Variants in ADCK2 observed in about 807,000 individuals in gnomAD.
The protein encoded by ADCK2 is aarF domain containing kinase 2.
A neutral mutation model predicts 52.3 loss-of-function variants in ADCK2; 37 were observed. The observed-to-expected ratio is 0.71, with a 90% confidence interval of 0.54 to 0.93. The LOEUF (loss-of-function observed/expected upper bound fraction) is 0.93. ADCK2 is among the 40% of genes least tolerant of loss of function. The pLI, the probability that ADCK2 is intolerant of heterozygous loss-of-function variation, is 0.00. For synonymous variants in ADCK2, 321 were observed against 349.2 expected, an observed-to-expected ratio of 0.92 and a Z score of 0.90; for missense variants, 695 against 798.7, an observed-to-expected ratio of 0.87 and a Z score of 1.56.
intron 4 of ADCK2, 94 bp from the exon 5 acceptor site, chr7:140,686,896 C>T (rs527730397): frequency 4.5e-5 from 68 of 1,520,288 alleles, no homozygotes; most frequent in Middle Eastern, 1.8e-4. Flanking sequence ...TGATAGAGTG[C>T]TGGGAGCTTA....
intron 7 of ADCK2, among the ~76,000 whole-genome samples, chr7:140,691,662 G>C (rs916441785): frequency 6.6e-5 from 10 of 152,212 alleles, no homozygotes; most frequent in African/African-American, 2.4e-4. Flanking sequence ...TTAAACTAAG[G>C]CTGCTGGCCA....
At chr7:140,686,202 G>A (rs1254756033) in intron 4 of ADCK2, among the ~76,000 whole-genome samples, 1 of 152,174 alleles carries the variant, frequency 6.6e-6, no homozygotes, top group East Asian at 1.9e-4. Flanking sequence ...GAATATTAAT[G>A]ATTCAAATCA....
Position 140,693,211 on chromosome 7 carries a change from T to C in ADCK2, c.1741-1452T>C, listed in dbSNP as rs527476650. 1.1e-4 allele frequency among the ~76,000 whole-genome samples: 16 copies of C among 152,322 alleles called. No individual in the cohort carries two copies. In the South Asian group the frequency reaches 2.9e-3, roughly 28 times the overall value. On this transcript the variant is annotated intron_variant, in intron 7 of 7. Transcript: ENST00000072869. The surrounding 1 kb of genome is among the most constrained non-coding windows in gnomAD (Gnocchi z 4.0). The stretch of plus-strand genomic sequence containing the variant: ...GTAACACAGAGATAAAGGAATCTAA[T>C]CCACACTAAGAACCCCCCACCCAGC...
intron 4 of ADCK2, among the ~76,000 whole-genome samples, chr7:140,684,780 C>A (rs977833499): frequency 9.9e-5 from 15 of 152,180 alleles, no homozygotes; most frequent in African/African-American, 3.6e-4. Flanking sequence ...TTCCACTCCA[C>A]CCCAGGGCCT....
intron 3 of ADCK2, among the ~76,000 whole-genome samples, chr7:140,680,450 G>T (rs1794496960): frequency 6.6e-6 from 1 of 151,610 alleles, no homozygotes; most frequent in African/African-American, 2.4e-5. Flanking sequence ...ACCACACCTG[G>T]GTAATTTTTT....
intron 6 of ADCK2, 110 bp from the exon 7 acceptor site, chr7:140,690,650 C>A: frequency 2.1e-6 from 2 of 935,364 alleles, no homozygotes; most frequent in Non-Finnish European, 3.3e-6. Context: ...TATGTGTGCC[C>A]TGGCGGGGGA....
Position 140,673,472 on chromosome 7 carries a change from C to T in ADCK2, c.142C>T (p.Pro48Ser), listed in dbSNP as rs1305122547. 1.9e-6 allele frequency: 3 copies of T among 1,608,700 alleles called. No individual in the cohort carries two copies. The highest frequency in any genetic ancestry group is 1.7e-5 in the Admixed American group (1 of 59,680). Reference sequence around the variant, plus strand: ...CTGCTGGCTTCTGCTGGGCACTTTGCCCAAGGTCGTCTCCCTGTGCGGGGA... The same window carrying T: ...CTGCTGGCTTCTGCTGGGCACTTTGTCCAAGGTCGTCTCCCTGTGCGGGGA... ...RLCWLLLGTL[P>S]KVVSLCGDVG... Residue 48 changes from proline to serine, a missense_variant, in exon 1 of 8, where the codon CCC becomes TCC. Transcript: ENST00000072869. The surrounding 1 kb of genome is among the most constrained non-coding windows in gnomAD (Gnocchi z 6.4).
At position 140,673,550 on chromosome 7, in the gene ADCK2, G is replaced by T. The variant is rs1268061856; in HGVS notation, c.220G>T (p.Gly74Trp). The T allele has an allele frequency of 1.9e-6, 3 of 1,600,826 alleles. No individual in the cohort carries two copies. Among genetic ancestry groups the T allele is most frequent in the Admixed American group, 3.4e-5 (2 of 59,438 alleles). Residue 74 changes from glycine to tryptophan, a missense_variant, in exon 1 of 8, where the codon GGG becomes TGG. Physicochemically the swap from Gly to Trp is radical, Grantham distance 184 (BLOSUM62 -2). Coordinates refer to ENST00000072869, the MANE Select transcript of ADCK2 (RefSeq NM_052853.4). This position sits in a 1 kb window ranked among gnomAD's most constrained non-coding sequence, Gnocchi z 6.4. Reference protein sequence around the residue: ...VLSRRRVRCSGAAGAGPAESL... With the variant: ...VLSRRRVRCSWAAGAGPAESL... ...GAGTCGGCGAAGGGTCCGCTGCAGCGGGGCGGCTGGCGCGGGGCCCGCGGA... is the reference window on the plus strand; with the variant it reads ...GAGTCGGCGAAGGGTCCGCTGCAGCTGGGCGGCTGGCGCGGGGCCCGCGGA...
At chr7:140,685,665 G>T (rs1050720296) in intron 4 of ADCK2, among the ~76,000 whole-genome samples, 2 of 152,004 alleles carry the variant, frequency 1.3e-5, no homozygotes, top group Admixed American at 1.3e-4. Flanking sequence ...ATGGTCTGCC[G>T]CCATAAGGGA....
chr7:140,674,540 G>A lies in ADCK2; in HGVS notation c.934-71G>A. 1 of 1,526,958 alleles carries A rather than the reference G, an allele frequency of 6.5e-7. No individual in the cohort carries two copies. The highest frequency in any genetic ancestry group is 1.3e-5 in the South Asian group (1 of 79,098). 94.6% of individuals were successfully genotyped at this position (1,526,958 alleles called of 1,614,324 possible). A position where few individuals can be genotyped will look rare whatever the true frequency, so the allele number is the denominator to read the frequency against. On this transcript the variant is annotated intron_variant, in intron 1 of 7. Transcript: ENST00000072869. This position sits in a 1 kb window ranked among gnomAD's most constrained non-coding sequence, Gnocchi z 4.6. ...GCCACCTGGCTCTTGCTTGGATGGT[G>A]GGACCCAGCCCTGGCTGGGTAAAAT... is the stretch of plus-strand genomic sequence containing the variant.
chr7:140,679,434 G>A (rs1047005494), intron 3 of ADCK2, 151 bp downstream of exon 3: 4 of 1,190,208 alleles, frequency 3.4e-6, no homozygotes, highest in Non-Finnish European at 4.7e-6. Context: ...CTCGGCGGGA[G>A]GCAGTGTTGG....
intron 7 of ADCK2, among the ~76,000 whole-genome samples, chr7:140,692,195 C>T (rs1370927389): frequency 6.6e-6 from 1 of 152,180 alleles, no homozygotes; most frequent in African/African-American, 2.4e-5. Context: ...CTCCCCATTC[C>T]CCTCTCCATC....
chr7:140,687,118 G>A lies in ADCK2; in HGVS notation c.1434G>A (p.Val478=). 1 of 1,613,850 alleles carries A rather than the reference G, an allele frequency of 6.2e-7. No homozygotes were observed. The change falls in exon 5 of 8, where the codon GTG becomes GTA. Residue 478 remains valine (V), a synonymous_variant. Coordinates refer to ENST00000072869, the MANE Select transcript of ADCK2 (RefSeq NM_052853.4). ...QQADICDTLV[V]AVPSSLCPLR... Reference sequence around the variant, plus strand: ...CGGACATCTGTGACACTCTGGTGGTGGCCGTGCCATCTTCCCTCTGCCCGC... The same window carrying A: ...CGGACATCTGTGACACTCTGGTGGTAGCCGTGCCATCTTCCCTCTGCCCGC...
intron 5 of ADCK2, among the ~76,000 whole-genome samples, chr7:140,688,933 G>GCA (rs1794655575): frequency 1.3e-5 from 2 of 152,036 alleles, no homozygotes; most frequent in African/African-American, 2.4e-5. Flanking sequence ...GAAAAACACT[G>GCA]GGAAAAAGAG....
chr7:140,694,449 A>AT (rs1255701940), intron 7 of ADCK2, among the ~76,000 whole-genome samples: 3 of 152,064 alleles, frequency 2.0e-5, no homozygotes, highest in Non-Finnish European at 4.4e-5. Context: ...GCACCCCTAG[A>AT]TTTTTCCTTA....
At chr7:140,684,197 T>C (rs1049615572) in intron 4 of ADCK2, among the ~76,000 whole-genome samples, 1 of 152,138 alleles carries the variant, frequency 6.6e-6, no homozygotes, top group African/African-American at 2.4e-5. Context: ...GCTTCCAGTT[T>C]ACTAGCTCAG....
At chr7:140,682,026 A>G (rs1047806166) in intron 4 of ADCK2, among the ~76,000 whole-genome samples, 1 of 152,190 alleles carries the variant, frequency 6.6e-6, no homozygotes, top group Non-Finnish European at 1.5e-5. Context: ...CAGCTGAGAC[A>G]ATATCTTATT....
At chr7:140,680,927 T>G (rs1433243048) in intron 3 of ADCK2, 115 bp from the exon 4 acceptor site, 1 of 866,338 alleles carries the variant, frequency 1.2e-6, no homozygotes, top group African/African-American at 1.7e-5. Flanking sequence ...AAGGAAATAC[T>G]CTTTGGGTTA....
chr7:140,673,644 C>G lies in ADCK2; in HGVS notation c.314C>G (p.Ala105Gly), dbSNP rs1801675159. The G allele has an allele frequency of 1.9e-6, 3 of 1,610,504 alleles. No individual in the cohort carries two copies. The highest frequency in any genetic ancestry group is 1.7e-6 in the Non-Finnish European group (2 of 1,179,966). Residue 105 changes from alanine (A) to glycine (G), a missense_variant, in exon 1 of 8, where the codon GCT (alanine) becomes GGT (glycine). Ala to Gly is a moderately conservative substitution (Grantham distance 60). Transcript: ENST00000072869. The surrounding 1 kb of genome is among the most constrained non-coding windows in gnomAD (Gnocchi z 6.4). ...LHLRLWLRAG[A>G]LLVKFFPLLL... ...CTCCGCCTCTGGCTTCGCGCCGGCG[C>G]TCTGTTGGTGAAATTCTTCCCCCTC...
Sources: gnomAD v4.1 joint callset for allele counts (sites outside exome capture counted in the v4.1 genomes callset) on GRCh38, gnomAD v4.1.1 for gene constraint, Gnocchi (gnomAD v3.1) non-coding constraint, MANE v1.5 for transcripts, NCBI Gene and HGNC (gene_info 2026-07-23, HGNC 2026-07-21) for gene names.